FMN2: variants seen among roughly 807,000 people sequenced by gnomAD.
FMN2 encodes formin-2.
In FMN2, 51 loss-of-function variants were observed where a neutral mutation model predicts 142.3. That is an observed-to-expected ratio of 0.36 (90% CI 0.29 to 0.45). The LOEUF is 0.45. Among genes scored for constraint, FMN2 ranks in the 20% least tolerant of loss-of-function variants. The pLI, the probability that FMN2 is intolerant of heterozygous loss-of-function variation, is 1.00. For missense variants in FMN2, 1,936 were observed against 2,122.8 expected (o/e 0.91, Z 1.73); for synonymous variants, 882 against 869.8 (o/e 1.01, Z -0.25).
intron 2 of FMN2, among the ~76,000 whole-genome samples, chr1:240,141,528 C>T (rs1461383338): frequency 6.6e-6 from 1 of 151,974 alleles, no homozygotes; most frequent in Admixed American, 6.6e-5. Context: ...CCACCACACA[C>T]AGCTACTTTT....
intron 2 of FMN2, among the ~76,000 whole-genome samples, chr1:240,135,415 A>G (rs1200196964): frequency 6.6e-6 from 1 of 152,206 alleles, no homozygotes; most frequent in Non-Finnish European, 1.5e-5. Context: ...AATTTATTTC[A>G]TAAAGAATAT....
chr1:240,355,662 A>G (rs777040318), intron 13 of FMN2, among the ~76,000 whole-genome samples, 154 bp from the exon 14 acceptor site: 1 of 152,180 alleles, frequency 6.6e-6, no homozygotes, highest in Non-Finnish European at 1.5e-5. Flanking sequence ...TCGGCTTCTC[A>G]TGTCCGTATT....
chr1:240,397,805 A>AG (rs1553373937), intron 15 of FMN2, among the ~76,000 whole-genome samples: 125 of 150,342 alleles, frequency 8.3e-4, no homozygotes, highest in African/African-American at 3.0e-3. Flanking sequence ...AAAAAAAAAA[A>AG]AAAAAGTTAA....
chr1:240,211,177 C>T lies in FMN2; in HGVS notation c.4007C>T (p.Ala1336Val), dbSNP rs1165675609. The part of the protein sequence containing the change: ...HEFEELFSKT[A>V]VKERKKPISD... ...TTTGAGGAATTATTTTCTAAAACTG[C>T]TGTAAAGGAGAGAAAGAAACCTATC... Residue 1336 changes from alanine (A) to valine (V), a missense_variant, in exon 6 of 18, where the codon GCT becomes GTT. Ala to Val is a moderately conservative substitution (Grantham distance 64). Around this residue, in one of 8 missense-constraint regions of FMN2, gnomAD observed 259 missense variants for 230.9 expected, o/e 1.12. Transcript: ENST00000319653. 2 of 1,612,964 alleles carry T rather than the reference C, an allele frequency of 1.2e-6. No individual in the cohort carries two copies. The highest frequency in any genetic ancestry group is 1.7e-5 in the Admixed American group (1 of 59,958).
rs1168096219 is a variant in FMN2, at chr1:240,241,841, T to C, written c.4066-16104T>C. ...TGTGCCTTGCTTTTTTTTTTTTTTT[T>C]TTTTTTTTTTTTTGAGACGGAGTCT... On this transcript the variant is annotated intron_variant, in intron 6 of 17. Transcript: ENST00000319653. 1.4e-3 allele frequency among the ~76,000 whole-genome samples: 82 copies of C among 58,042 alleles called. 2 individuals are homozygous for C. The highest frequency in any genetic ancestry group is 9.8e-3 in the Middle Eastern group (1 of 102). 38.1% of individuals were successfully genotyped at this position (58,042 alleles called of 152,430 possible). A position where few individuals can be genotyped will look rare whatever the true frequency, so the allele number is the denominator to read the frequency against.
intron 4 of FMN2, among the ~76,000 whole-genome samples, chr1:240,196,285 C>T (rs1157283822): frequency 6.6e-6 from 1 of 152,102 alleles, no homozygotes; most frequent in Non-Finnish European, 1.5e-5. Context: ...CAAAGTAATT[C>T]CATTACTTCT....
intron 1 of FMN2, among the ~76,000 whole-genome samples, chr1:240,105,959 G>C (rs1661592615): frequency 6.6e-6 from 1 of 152,056 alleles, no homozygotes; most frequent in Non-Finnish European, 1.5e-5. Flanking sequence ...AATATGGTAA[G>C]TTTTTGTGGA....
At chr1:240,184,517 G>GTTTT (rs71712034) in intron 3 of FMN2, among the ~76,000 whole-genome samples, 1 of 119,800 alleles carries the variant, frequency 8.3e-6, no homozygotes, top group Admixed American at 8.9e-5. Flanking sequence ...CGCCCGGCCT[G>GTTTT]TTTTTTTTTT....
intron 8 of FMN2, among the ~76,000 whole-genome samples, chr1:240,303,936 G>A (rs183699961): frequency 8.6e-5 from 13 of 151,884 alleles, no homozygotes; most frequent in African/African-American, 2.4e-4. Flanking sequence ...CCTCAAATCC[G>A]TCTTTAAATT....
At chr1:240,383,128 ACTT>A (rs1293092184) in intron 14 of FMN2, among the ~76,000 whole-genome samples, 3 of 152,206 alleles carry the variant, frequency 2.0e-5, no homozygotes, top group African/African-American at 4.8e-5. Context: ...TGGGCTAAAG[ACTT>A]AAATGTAATA....
chr1:240,414,114 T>C lies in FMN2; in HGVS notation c.4910+21552T>C, dbSNP rs372256501. Among the ~76,000 whole-genome samples the C allele has an allele frequency of 4.6e-5, 7 of 152,234 alleles. No homozygotes were observed. The East Asian group carries it at 1.3e-3, about 29-fold the overall frequency. ...TACCCCAGGGTGAAATTTAGGTTTG[T>C]GTGGACTTGGTTGTGGTGAGTGCCT... On this transcript the variant is annotated intron_variant, in intron 15 of 17. Transcript: ENST00000319653.
At chr1:240,456,954 T>C (rs1273329904) in intron 16 of FMN2, among the ~76,000 whole-genome samples, 2 of 152,220 alleles carry the variant, frequency 1.3e-5, no homozygotes, top group African/African-American at 4.8e-5. Context: ...CTACCAGGTT[T>C]TCTATTGCCC....
At chr1:240,111,985 AT>A (rs1439584683) in intron 1 of FMN2, among the ~76,000 whole-genome samples, 1 of 152,176 alleles carries the variant, frequency 6.6e-6, no homozygotes, top group Non-Finnish European at 1.5e-5. Flanking sequence ...GAATGAGAGA[AT>A]TCTTCATGGT....
In FMN2 at chr1:240,330,688, G is replaced by A. The variant is rs767817441; in HGVS notation, c.4523G>A (p.Arg1508Gln). ...TACATGAATGGAGGAAATAAGACTC[G>A]AGGACAGGCAGATGGCTTTGGATTA... ...GNYMNGGNKT[R>Q]GQADGFGLDI... The change falls in exon 11 of 18, where the codon CGA becomes CAA. Residue 1508 changes from arginine to glutamine, a missense_variant. Coordinates refer to ENST00000319653, the MANE Select transcript of FMN2 (RefSeq NM_020066.5). 3.7e-6 allele frequency: 6 copies of A among 1,613,998 alleles called. No individual in the cohort carries two copies. Among genetic ancestry groups the A allele is most frequent in the Non-Finnish European group, 4.2e-6 (5 of 1,179,932 alleles).
chr1:240,435,975 T>C (rs1572309235), intron 15 of FMN2, among the ~76,000 whole-genome samples: 2 of 152,200 alleles, frequency 1.3e-5, no homozygotes, highest in African/African-American at 4.8e-5. Context: ...TAACAGGTCA[T>C]ACATTCTTTT....
At chr1:240,201,164 G>A (rs181494830) in intron 4 of FMN2, among the ~76,000 whole-genome samples, 13 of 152,098 alleles carry the variant, frequency 8.5e-5, no homozygotes, top group East Asian at 3.9e-4. Context: ...GTTCTGTTAC[G>A]CACTAATAAA....
intron 14 of FMN2, among the ~76,000 whole-genome samples, chr1:240,377,265 C>T (rs1317530411): frequency 1.3e-5 from 2 of 150,582 alleles, no homozygotes; most frequent in Admixed American, 6.6e-5. Context: ...ATTTATTTCC[C>T]ATTTTTGAGA....
intron 1 of FMN2, among the ~76,000 whole-genome samples, chr1:240,110,439 G>A (rs1661768246): frequency 6.6e-6 from 1 of 152,146 alleles, no homozygotes; most frequent in African/African-American, 2.4e-5. Context: ...AGTGTCAATG[G>A]TCACAGGCCC....
intron 2 of FMN2, among the ~76,000 whole-genome samples, chr1:240,139,865 A>G (rs897432907): frequency 6.6e-6 from 1 of 152,162 alleles, no homozygotes; most frequent in Non-Finnish European, 1.5e-5. Flanking sequence ...AATTGAAGGT[A>G]TCAGCCTAAA....
Sources: allele counts gnomAD v4.1 joint callset (sites outside exome capture counted in the v4.1 genomes callset), GRCh38; gene constraint gnomAD v4.1.1; regional missense constraint gnomAD v4.1.1; transcripts MANE v1.5; gene names NCBI Gene and HGNC (gene_info 2026-07-23, HGNC 2026-07-21).